Variants in CPNE8 observed in about 807,000 individuals in gnomAD.
The protein encoded by CPNE8 is copine-8.
Under a neutral mutation model 81.5 loss-of-function variants are expected in CPNE8, and 45 were observed. The ratio of observed to expected loss-of-function variants is 0.55; its 90% CI spans 0.44 to 0.71. The LOEUF is 0.71. Ranked by LOEUF, CPNE8 falls within the 30% of genes least tolerant of loss-of-function variation. The pLI, the probability that CPNE8 is intolerant of heterozygous loss-of-function variation, is 0.00. For synonymous variants in CPNE8, 252 were observed against 226.3 expected (o/e 1.11, Z -1.02); for missense variants, 594 against 672.1 (o/e 0.88, Z 1.28).
rs191953495 is a variant in CPNE8 at position 38,805,897 on chromosome 12, A to G, written c.407+23482T>C. 9.4e-3 allele frequency among the ~76,000 whole-genome samples: 1,400 copies of G among 149,676 alleles called. 61 individuals carry two copies. The highest frequency in any genetic ancestry group is 0.017 in the Non-Finnish European group (1,111 of 67,148). On this transcript the variant is annotated intron_variant, in intron 6 of 19. Transcript: ENST00000331366. ...AAGAAGAGAGAAGAATCAAATAGAC[A>G]CAATAAAAAATGATAAAGGGGATAT...
At chr12:38,683,887 C>T (rs945860099) in intron 16 of CPNE8, among the ~76,000 whole-genome samples, 9 of 151,964 alleles carry the variant, frequency 5.9e-5, no homozygotes, top group African/African-American at 1.2e-4. Context: ...AACAAAAAAT[C>T]GCAATAGAAC....
intron 13 of CPNE8, among the ~76,000 whole-genome samples, chr12:38,711,666 A>G (rs1376406051): frequency 6.6e-6 from 1 of 152,022 alleles, no homozygotes; most frequent in African/African-American, 2.4e-5. Flanking sequence ...ACGGAGTTTC[A>G]CCATGTTGGC....
intron 15 of CPNE8, among the ~76,000 whole-genome samples, chr12:38,688,108 A>C (rs1314323469): frequency 6.6e-6 from 1 of 152,206 alleles, no homozygotes; most frequent in Admixed American, 6.5e-5. Flanking sequence ...GAACAGTTAC[A>C]AACTAGGGTA....
At chr12:38,730,257 C>A (rs1287143445) in intron 11 of CPNE8, 26 bp downstream of exon 11, 1 of 1,361,916 alleles carries the variant, frequency 7.3e-7, no homozygotes, top group South Asian at 1.2e-5. Context: ...TAGAAAAAAA[C>A]AATGGTAAAA....
Position 38,845,030 on chromosome 12 carries a change from C to T in CPNE8, c.290+3529G>A, listed in dbSNP as rs535620607. Among the ~76,000 whole-genome samples the T allele has an allele frequency of 3.3e-5, 5 of 151,966 alleles. No individual in the cohort carries two copies. The South Asian group carries it at 8.3e-4, about 25-fold the overall frequency. The stretch of plus-strand genomic sequence containing the variant: ...CACCCAACTAAAACAGAATCAGGAC[C>T]GATTTTCCCCATGGCAGCAGAGCCA... On this transcript the variant is annotated intron_variant, in intron 4 of 19. Transcript: ENST00000331366.
At chr12:38,877,157 CTA>C (rs1944079303) in intron 1 of CPNE8, among the ~76,000 whole-genome samples, 1 of 152,086 alleles carries the variant, frequency 6.6e-6, no homozygotes, top group Admixed American at 6.6e-5. Context: ...TTCTTATTTT[CTA>C]TGAGTATTGA....
At chr12:38,851,952 T>C (rs1409753861) in intron 3 of CPNE8, among the ~76,000 whole-genome samples, 1 of 152,102 alleles carries the variant, frequency 6.6e-6, no homozygotes, top group Non-Finnish European at 1.5e-5. Flanking sequence ...TATTTCCTCT[T>C]ACTAGAATGT....
intron 1 of CPNE8, among the ~76,000 whole-genome samples, chr12:38,896,233 C>G (rs1944386946): frequency 6.6e-6 from 1 of 152,048 alleles, no homozygotes; most frequent in African/African-American, 2.4e-5. Flanking sequence ...TTCAGAAAAT[C>G]AGCTGATGAT....
chr12:38,896,929 A>G (rs1249075544), intron 1 of CPNE8, among the ~76,000 whole-genome samples: 2 of 152,132 alleles, frequency 1.3e-5, no homozygotes, highest in African/African-American at 4.8e-5. Flanking sequence ...GGATAAGACT[A>G]ATAGCCAGTT....
At chr12:38,857,383 A>T (rs971409715) in intron 3 of CPNE8, among the ~76,000 whole-genome samples, 6 of 152,220 alleles carry the variant, frequency 3.9e-5, no homozygotes, top group Non-Finnish European at 7.3e-5. Flanking sequence ...AACTGTAAGG[A>T]TGGGACTTTC....
At chr12:38,802,635 A>G (rs1289407564) in intron 6 of CPNE8, among the ~76,000 whole-genome samples, 1 of 151,422 alleles carries the variant, frequency 6.6e-6, no homozygotes, top group Non-Finnish European at 1.5e-5. Context: ...AAAAGCTGGC[A>G]GAAGGCAAGA....
chr12:38,902,315 G>GGAAAGAAAGAAAGAAA (rs201678434), intron 1 of CPNE8, among the ~76,000 whole-genome samples: 7 of 83,820 alleles, frequency 8.4e-5, no homozygotes, highest in Admixed American at 2.5e-4. Context: ...AAGGAAGGAA[G>GGAAAGAAAGAAAGAAA]GAAAGAAAGA....
intron 1 of CPNE8, among the ~76,000 whole-genome samples, chr12:38,881,172 T>C (rs532317205): frequency 6.7e-6 from 1 of 148,520 alleles, no homozygotes; most frequent in East Asian, 2.0e-4. Context: ...ATCGCACCAC[T>C]GCACTCCAGC....
intron 6 of CPNE8, among the ~76,000 whole-genome samples, chr12:38,796,396 C>T (rs1438458501): frequency 1.3e-5 from 2 of 152,010 alleles, no homozygotes; most frequent in East Asian, 3.9e-4. Flanking sequence ...TTTAACAAGT[C>T]ATAAAAGTAA....
chr12:38,843,773 G>T (rs541815044), intron 4 of CPNE8, among the ~76,000 whole-genome samples: 4 of 152,092 alleles, frequency 2.6e-5, no homozygotes, highest in Non-Finnish European at 5.9e-5. Context: ...TTTTTTGGAC[G>T]GTAGGAGACC....
chr12:38,788,343 CA>C (rs1201697907), intron 6 of CPNE8, among the ~76,000 whole-genome samples: 1 of 151,718 alleles, frequency 6.6e-6, no homozygotes, highest in African/African-American at 2.4e-5. Flanking sequence ...ATCAGATCAA[CA>C]AAATAAAGAC....
chr12:38,766,333 A>G (rs761720002), intron 8 of CPNE8, among the ~76,000 whole-genome samples: 14 of 152,210 alleles, frequency 9.2e-5, no homozygotes, highest in Non-Finnish European at 7.3e-5. Flanking sequence ...TTTTCATTCA[A>G]GAAATTCAGA....
At chr12:38,874,225 G>T (rs548800263) in intron 2 of CPNE8, among the ~76,000 whole-genome samples, 1 of 152,064 alleles carries the variant, frequency 6.6e-6, no homozygotes, top group Non-Finnish European at 1.5e-5. Flanking sequence ...GCCATAGTAC[G>T]AGGTTTTAAT....
At chr12:38,728,406 C>T (rs555815419) in intron 11 of CPNE8, among the ~76,000 whole-genome samples, 14 of 152,010 alleles carry the variant, frequency 9.2e-5, no homozygotes, top group African/African-American at 3.4e-4. Flanking sequence ...TAAAAAGGAG[C>T]CAAACAAGAA....
Sources: gnomAD v4.1 joint callset for allele counts (sites outside exome capture counted in the v4.1 genomes callset) on GRCh38, gnomAD v4.1.1 for gene constraint, MANE v1.5 for transcripts, NCBI Gene and HGNC (gene_info 2026-07-23, HGNC 2026-07-21) for gene names.